ITGA4: variants seen among roughly 807,000 people sequenced by gnomAD.
ITGA4 encodes integrin subunit alpha 4.
A neutral mutation model predicts 133.6 loss-of-function variants in ITGA4; 63 were observed. The observed-to-expected ratio is 0.47, with a 90% CI of 0.38 to 0.58. The LOEUF is 0.58. Among genes scored for constraint, ITGA4 ranks in the 20% least tolerant of loss-of-function variants. ITGA4 has a pLI of 0.00. For synonymous variants in ITGA4, 483 were observed against 438.0 expected, an observed-to-expected ratio of 1.10 and a Z score of -1.28; for missense variants, 1,076 against 1,252.7, an observed-to-expected ratio of 0.86 and a Z score of 2.13.
At chr2:181,528,282 A>G (rs1037919941) in intron 22 of ITGA4, among the ~76,000 whole-genome samples, 1 of 152,204 alleles carries the variant, frequency 6.6e-6, no homozygotes, top group Non-Finnish European at 1.5e-5. Flanking sequence ...AGTTGATACT[A>G]ATGTTGAAAA....
intron 25 of ITGA4, among the ~76,000 whole-genome samples, chr2:181,533,203 G>T (rs969152665): frequency 1.3e-5 from 2 of 152,178 alleles, no homozygotes; most frequent in African/African-American, 2.4e-5. Context: ...TAAATGAGAT[G>T]ATTTTTATAA....
At position 181,535,320 on chromosome 2, in the gene ITGA4, G is replaced by A. The variant is rs529764067; in HGVS notation, c.3004-112G>A. The A allele has an allele frequency of 3.8e-6, 3 of 784,428 alleles. No homozygotes were observed. The South Asian group carries it at 8.0e-5, about 21-fold the overall frequency. 48.6% of individuals were successfully genotyped at this position (784,428 alleles called of 1,614,324 possible). The stretch of plus-strand genomic sequence containing the variant: ...TAAACCTTTATGACTGATGTTACAA[G>A]GGATGCAGTTTAAGAAATATTGGTG... On this transcript the variant is annotated intron_variant, in intron 27 of 27. Coordinates refer to ENST00000397033, the MANE Select transcript of ITGA4 (RefSeq NM_000885.6).
chr2:181,518,836 C>G (rs1686662867), intron 17 of ITGA4, among the ~76,000 whole-genome samples: 1 of 151,728 alleles, frequency 6.6e-6, no homozygotes, highest in African/African-American at 2.4e-5. Context: ...AAAATAGTGC[C>G]TGATAGTATA....
chr2:181,488,190 A>G (rs1335602075), intron 10 of ITGA4, among the ~76,000 whole-genome samples: 1 of 152,212 alleles, frequency 6.6e-6, no homozygotes, highest in Admixed American at 6.5e-5. Flanking sequence ...ATTACTCTAT[A>G]CCTGGGAAAA....
Position 181,536,414 on chromosome 2 carries a change from A to G in ITGA4, c.*887A>G, listed in dbSNP as rs200513347. Among the ~76,000 whole-genome samples, 2 of 152,026 alleles carry G rather than the reference A, an allele frequency of 1.3e-5. No individual in the cohort carries two copies. Among genetic ancestry groups the G allele is most frequent in the Non-Finnish European group, 2.9e-5 (2 of 67,954 alleles). On this transcript the variant is annotated 3_prime_UTR_variant, in exon 28 of 28. Coordinates refer to ENST00000397033, the MANE Select transcript of ITGA4 (RefSeq NM_000885.6). Reference sequence around the variant, plus strand: ...CGCTGATTTAGAAAATACAGAAACCATACCTCACTAATAACTTTAAAATCA... The same window carrying G: ...CGCTGATTTAGAAAATACAGAAACCGTACCTCACTAATAACTTTAAAATCA...
At chr2:181,466,622 T>A (rs574864704) in intron 2 of ITGA4, among the ~76,000 whole-genome samples, 2 of 152,272 alleles carry the variant, frequency 1.3e-5, no homozygotes, top group South Asian at 4.1e-4. Flanking sequence ...GTAGAATTCA[T>A]AAACATCATT....
chr2:181,486,163 C>G, intron 10 of ITGA4, 171 bp downstream of exon 10: 1 of 726,486 alleles, frequency 1.4e-6, no homozygotes, highest in Non-Finnish European at 2.1e-6. Context: ...TCAATTGTCA[C>G]CCATTGATCT....
chr2:181,473,605 C>T (rs1484774536), intron 2 of ITGA4, among the ~76,000 whole-genome samples: 2 of 152,202 alleles, frequency 1.3e-5, no homozygotes, highest in Admixed American at 6.5e-5. Context: ...TATAAACAAA[C>T]ATCTTCCCAC....
chr2:181,457,454 G>A lies in ITGA4; in HGVS notation c.-201G>A. 3.7e-6 allele frequency: 2 copies of A among 534,898 alleles called. No homozygotes were observed. Among genetic ancestry groups the A allele is most frequent in the Non-Finnish European group, 6.5e-6 (2 of 306,038 alleles). The allele number at this position is 534,898 out of a possible 1,614,324, so 33.1% of individuals were successfully genotyped here. On this transcript the variant is annotated 5_prime_UTR_variant, in exon 1 of 28. Transcript: ENST00000397033. ...CGGGAGTGGGGCCGGGCGAGTGCGC[G>A]GCATCCCAGGCCGGCCCGAACGCTC...
chr2:181,474,060 A>G (rs1036236395), intron 2 of ITGA4, among the ~76,000 whole-genome samples: 1 of 152,236 alleles, frequency 6.6e-6, no homozygotes, highest in Admixed American at 6.5e-5. Context: ...GAATTGTCAT[A>G]TGCCAACTGA....
chr2:181,459,699 T>A (rs1210344310), intron 2 of ITGA4, among the ~76,000 whole-genome samples: 1 of 152,194 alleles, frequency 6.6e-6, no homozygotes, highest in Non-Finnish European at 1.5e-5. Flanking sequence ...AAAGCATAAT[T>A]TTCATTGCAT....
intron 15 of ITGA4, among the ~76,000 whole-genome samples, chr2:181,509,122 A>C: frequency 8.4e-6 from 1 of 119,244 alleles, no homozygotes; most frequent in Non-Finnish European, 1.6e-5. Context: ...ACAGAGGGAC[A>C]CATCCCATCT....
Position 181,491,774 on chromosome 2 carries a change from C to G in ITGA4, c.1154-1551C>G, listed in dbSNP as rs155115. ...CCCTCTTCTCCTCCTCCTCCTCTTT[C>G]TCTTCCTTACCATTCCTGCTCCTCT... is the stretch of plus-strand genomic sequence containing the variant. On this transcript the variant is annotated intron_variant, in intron 10 of 27. Coordinates refer to ENST00000397033, the MANE Select transcript of ITGA4 (RefSeq NM_000885.6). 8.9e-3 allele frequency among the ~76,000 whole-genome samples: 1,356 copies of G among 152,298 alleles called. 15 individuals carry two copies. Among genetic ancestry groups the G allele is most frequent in the African/African-American group, 0.03 (1,232 of 41,556 alleles).
At chr2:181,501,766 C>T (rs1261032684) in intron 15 of ITGA4, among the ~76,000 whole-genome samples, 3 of 152,116 alleles carry the variant, frequency 2.0e-5, no homozygotes, top group African/African-American at 7.2e-5. Context: ...TGCAGGAGAA[C>T]ACCTTTTGAG....
At position 181,457,733 on chromosome 2, in the gene ITGA4, G is replaced by A; in HGVS notation, c.79G>A (p.Gly27Arg). The change falls in exon 1 of 28, where the codon GGG becomes AGG. Residue 27 changes from glycine (G) to arginine (R), a missense_variant. This residue lies in a region of ITGA4 where 82 missense variants were observed against 68.3 expected (regional missense o/e 1.20). Transcript: ENST00000397033. ...GACGGTGATGCTGTTGCTGTGCCTGGGGGTCCCGACCGGCCGCCCCTACAA... is the reference window on the plus strand; with the variant it reads ...GACGGTGATGCTGTTGCTGTGCCTGAGGGTCCCGACCGGCCGCCCCTACAA... ...RETVMLLLCL[G>R]VPTGRPYNVD... The A allele has an allele frequency of 6.2e-7, 1 of 1,612,956 alleles. No homozygotes were observed. Among genetic ancestry groups the A allele is most frequent in the Non-Finnish European group, 8.5e-7 (1 of 1,179,808 alleles).
rs571697202 is a variant in ITGA4, at chr2:181,475,278, G to C, written c.546G>C (p.Pro182=). Residue 182 remains proline (P), a synonymous_variant, in exon 4 of 28, where the codon CCG becomes CCC. Transcript: ENST00000397033. ...LRTELSKRIA[P]CYQDYVKKFG... is the part of the protein sequence containing the mutation. ...CAGAACTGAGTAAAAGAATAGCTCC[G>C]TGTTATCAAGGTAAGGCATGATTTT... The C allele has an allele frequency of 1.9e-6, 3 of 1,612,164 alleles. No individual in the cohort carries two copies. The highest frequency in any genetic ancestry group is 2.5e-6 in the Non-Finnish European group (3 of 1,178,440).
intron 4 of ITGA4, 126 bp from the exon 5 acceptor site, chr2:181,478,631 G>A (rs1049268567): frequency 1.1e-5 from 5 of 436,762 alleles, no homozygotes; most frequent in African/African-American, 2.1e-5. Context: ...CAAGGTTACT[G>A]GTTTTTATTT....
In ITGA4 at chr2:181,497,916, A is replaced by G. The variant is rs189687694; in HGVS notation, c.1541-707A>G. Among the ~76,000 whole-genome samples the G allele has an allele frequency of 7.7e-4, 117 of 151,244 alleles. 2 individuals are homozygous for G. The East Asian group carries it at 0.021, about 27-fold the overall frequency. On this transcript the variant is annotated intron_variant, in intron 14 of 27. Coordinates refer to ENST00000397033, the MANE Select transcript of ITGA4 (RefSeq NM_000885.6). The stretch of plus-strand genomic sequence containing the variant: ...CAAATTTGGAGATCTTCATGAGCAG[A>G]TGAATATTTACTATTTCAGATTTGA...
At chr2:181,530,684 T>C (rs1256301646) in intron 24 of ITGA4, 35 bp downstream of exon 24, 1 of 1,592,812 alleles carries the variant, frequency 6.3e-7, no homozygotes, top group Admixed American at 1.7e-5. Flanking sequence ...AGTTCCTGCT[T>C]TCCAACAGAG....
Sources: allele counts gnomAD v4.1 joint callset (sites outside exome capture counted in the v4.1 genomes callset), GRCh38; gene constraint gnomAD v4.1.1; regional missense constraint gnomAD v4.1.1; transcripts MANE v1.5; gene names NCBI Gene and HGNC (gene_info 2026-07-23, HGNC 2026-07-21).